The following NR5A1 variants were observed in gnomAD, a reference collection of about 807,000 sequenced individuals.
NR5A1 encodes nuclear receptor subfamily 5 group A member 1.
Under a neutral mutation model 42.7 loss-of-function variants are expected in NR5A1, and 6 were observed. The observed-to-expected ratio is 0.14, with a 90% CI of 0.08 to 0.28. NR5A1 has a LOEUF of 0.28. NR5A1 is among the 10% of genes least tolerant of loss of function. The probability of loss-of-function intolerance (pLI) is 1.00; values close to 1 mark genes in which losing one functional copy is unlikely to be tolerated. For synonymous variants in NR5A1, 274 were observed against 277.5 expected (o/e 0.99, Z 0.12); for missense variants, 442 against 626.4 (o/e 0.71, Z 3.14).
intron 1 of NR5A1, among the ~76,000 whole-genome samples, chr9:124,505,051 C>T (rs2131292370): frequency 6.6e-6 from 1 of 152,036 alleles, no homozygotes; most frequent in African/African-American, 2.4e-5. Flanking sequence ...GGGCGGAGGC[C>T]CGGTCGTGTC....
rs1040824277 is a variant in NR5A1, at chr9:124,496,561, C to T, written c.871-3412G>A. On this transcript the variant is annotated intron_variant, in intron 4 of 6. Transcript: ENST00000373588. This position sits in a 1 kb window ranked among gnomAD's most constrained non-coding sequence, Gnocchi z 5.0. ...CAAGCTGACCTCCCTCCCAGCAGGG[C>T]CCCTCTGGAGCCCCCTGGGGTCCGA... Among the ~76,000 whole-genome samples, 15 of 152,140 alleles carry T rather than the reference C, an allele frequency of 9.9e-5. No individual in the cohort carries two copies. Among genetic ancestry groups the T allele is most frequent in the African/African-American group, 3.6e-4 (15 of 41,430 alleles).
intron 6 of NR5A1, among the ~76,000 whole-genome samples, chr9:124,489,427 A>T (rs1832269347): frequency 6.6e-6 from 1 of 152,166 alleles, no homozygotes; most frequent in Non-Finnish European, 1.5e-5. Context: ...GTCACACACA[A>T]ACTCTTCACA....
At chr9:124,486,580 G>T (rs1052245595) in intron 6 of NR5A1, among the ~76,000 whole-genome samples, 1 of 152,020 alleles carries the variant, frequency 6.6e-6, no homozygotes, top group Admixed American at 6.5e-5. Flanking sequence ...CATGAGTTCT[G>T]TCCGAGATCC....
At position 124,503,853 on chromosome 9, in the gene NR5A1, T is replaced by C. The variant is rs1220260251; in HGVS notation, c.-15-443A>G. On this transcript the variant is annotated intron_variant, in intron 1 of 6. Transcript: ENST00000373588. This position sits in a 1 kb window ranked among gnomAD's most constrained non-coding sequence, Gnocchi z 9.6. Reference sequence around the variant, plus strand: ...AGAGACGAAGGAGGCAGAGACAGAGTCCGGGGGAGCCAGAGATGGGAAGAA... The same window carrying C: ...AGAGACGAAGGAGGCAGAGACAGAGCCCGGGGGAGCCAGAGATGGGAAGAA... Among the ~76,000 whole-genome samples the C allele has an allele frequency of 6.7e-6, 1 of 148,728 alleles. No individual in the cohort carries two copies. Among genetic ancestry groups the C allele is most frequent in the East Asian group, 2.0e-4 (1 of 4,990 alleles).
chr9:124,483,581 C>T (rs910594861), intron 6 of NR5A1, among the ~76,000 whole-genome samples: 8 of 152,192 alleles, frequency 5.3e-5, no homozygotes, highest in South Asian at 2.1e-4. Context: ...CTGCTCTCAC[C>T]GCCGTCATGG....
chr9:124,489,204 G>A (rs1832266200), intron 6 of NR5A1, among the ~76,000 whole-genome samples: 1 of 152,218 alleles, frequency 6.6e-6, no homozygotes, highest in African/African-American at 2.4e-5. Flanking sequence ...GACAGACAGA[G>A]CCCTGGCAAA....
rs560455095 is a variant in NR5A1, at chr9:124,503,070, G to C, written c.244+9C>G. The C allele has an allele frequency of 3.1e-5, 48 of 1,566,330 alleles. No homozygotes were observed. The highest frequency in any genetic ancestry group is 3.9e-5 in the Non-Finnish European group (45 of 1,159,766). ...GGGGGTCAGGGGTCGAGGCCCGCGC[G>C]GCGCGCACCTTCCAGGCGCATCCCC... is the stretch of plus-strand genomic sequence containing the variant. On this transcript the variant is annotated intron_variant, in intron 3 of 6. Coordinates refer to ENST00000373588, the MANE Select transcript of NR5A1 (RefSeq NM_004959.5). This position sits in a 1 kb window ranked among gnomAD's most constrained non-coding sequence, Gnocchi z 9.6.
At chr9:124,487,417 TG>T (rs1832232851) in intron 6 of NR5A1, among the ~76,000 whole-genome samples, 1 of 152,174 alleles carries the variant, frequency 6.6e-6, no homozygotes, top group African/African-American at 2.4e-5. Context: ...GGAAATCGAA[TG>T]TTAGGTCAAT....
At position 124,491,178 on chromosome 9, in the gene NR5A1, C is replaced by G; in HGVS notation, c.1041G>C (p.Leu347=). Residue 347 remains leucine, a synonymous_variant, in exon 6 of 7, where the codon CTG becomes CTC. Transcript: ENST00000373588. ...ATQAGSLLHS[L]VLRAQELVLQ... ...GCACCAGCTCCTGCGCCCGCAACAC[C>G]AGGCTGTGCAGCAGCGAGCCCGCCT... The G allele has an allele frequency of 1.2e-6, 2 of 1,609,736 alleles. No homozygotes were observed. The highest frequency in any genetic ancestry group is 1.7e-6 in the Non-Finnish European group (2 of 1,178,918).
Position 124,496,184 on chromosome 9 carries a change from G to GCACACA in NR5A1, c.871-3041_871-3036dup, listed in dbSNP as rs59598562. Among the ~76,000 whole-genome samples the GCACACA allele has an allele frequency of 1.4e-4, 21 of 148,150 alleles. No homozygotes were observed. In the East Asian group the frequency reaches 2.0e-3, roughly 14 times the overall value. On this transcript the variant is annotated intron_variant, in intron 4 of 6. Transcript: ENST00000373588. The surrounding 1 kb of genome is among the most constrained non-coding windows in gnomAD (Gnocchi z 5.0). ...ACACTCCCCACACAGATGAGAATGC[G>GCACACA]CACACACACACACACACACACACAA...
rs1341388215 is a variant in NR5A1, at chr9:124,498,486, G to C, written c.870+1604C>G. On this transcript the variant is annotated intron_variant, in intron 4 of 6. Coordinates refer to ENST00000373588, the MANE Select transcript of NR5A1 (RefSeq NM_004959.5). This position sits in a 1 kb window ranked among gnomAD's most constrained non-coding sequence, Gnocchi z 4.6. ...CTGCGTGAAAATCCCCGGGAGACTAGGAAGGCAGCCAGAGGAAGTGCCCTG... is the reference window on the plus strand; with the variant it reads ...CTGCGTGAAAATCCCCGGGAGACTACGAAGGCAGCCAGAGGAAGTGCCCTG... Among the ~76,000 whole-genome samples, 2 of 152,206 alleles carry C rather than the reference G, an allele frequency of 1.3e-5. No individual in the cohort carries two copies. The highest frequency in any genetic ancestry group is 2.9e-5 in the Non-Finnish European group (2 of 68,026).
intron 4 of NR5A1, among the ~76,000 whole-genome samples, chr9:124,497,655 CCTGG>C (rs1832407234): frequency 6.6e-6 from 1 of 152,172 alleles, no homozygotes; most frequent in African/African-American, 2.4e-5. Context: ...TGACCCGGAA[CCTGG>C]AGCCCCAGCC....
Position 124,500,523 on chromosome 9 carries a change from C to T in NR5A1, c.437G>A (p.Gly146Glu). ...GGCGGCCAGGCCCTTGGGCTCAGGC[C>T]CATGCAGGCTGGGAGGCAGCACGTA... The part of the protein sequence containing the change: ...PDYVLPPSLH[G>E]PEPKGLAAGP... The change falls in exon 4 of 7, where the codon GGG becomes GAG. Residue 146 changes from glycine (G) to glutamate (E), a missense_variant. By Grantham distance (98) the Gly-to-Glu change is moderately conservative (BLOSUM62 -2). Around this residue, in one of 3 missense-constraint regions of NR5A1, gnomAD observed 208 missense variants for 203.8 expected, o/e 1.02. Coordinates refer to ENST00000373588, the MANE Select transcript of NR5A1 (RefSeq NM_004959.5). The surrounding 1 kb of genome is among the most constrained non-coding windows in gnomAD (Gnocchi z 6.9). 6.2e-7 allele frequency: 1 copy of T among 1,607,492 alleles called. No homozygotes were observed. The highest frequency in any genetic ancestry group is 8.5e-7 in the Non-Finnish European group (1 of 1,179,038).
At chr9:124,493,915 C>G (rs1832352175) in intron 4 of NR5A1, among the ~76,000 whole-genome samples, 1 of 152,130 alleles carries the variant, frequency 6.6e-6, no homozygotes, top group East Asian at 1.9e-4. Flanking sequence ...ATCCCCTGGC[C>G]CCAATCCCTA....
At chr9:124,495,518 T>C (rs1300828984) in intron 4 of NR5A1, among the ~76,000 whole-genome samples, 1 of 152,160 alleles carries the variant, frequency 6.6e-6, no homozygotes, top group Non-Finnish European at 1.5e-5. Context: ...GAGAACCTCC[T>C]GAGACCTGGG....
At chr9:124,484,839 C>T (rs1316043276) in intron 6 of NR5A1, among the ~76,000 whole-genome samples, 1 of 152,054 alleles carries the variant, frequency 6.6e-6, no homozygotes, top group African/African-American at 2.4e-5. Flanking sequence ...CAGGACGACC[C>T]GCATTAAACA....
At position 124,503,384 on chromosome 9, in the gene NR5A1, C is replaced by G; in HGVS notation, c.12G>C (p.Ser4=). ...ACAGCTCGTCCAGGTCCTCGTCGTACGAATAGTCCATGCCCGCGGCGTCCG... is the reference window on the plus strand; with the variant it reads ...ACAGCTCGTCCAGGTCCTCGTCGTAGGAATAGTCCATGCCCGCGGCGTCCG... The part of the protein sequence containing the change: MDY[S]YDEDLDELCP... The change falls in exon 2 of 7, where the codon TCG becomes TCC. Residue 4 remains serine (S), a synonymous_variant. Transcript: ENST00000373588. The surrounding 1 kb of genome is among the most constrained non-coding windows in gnomAD (Gnocchi z 9.6). The G allele has an allele frequency of 6.2e-7, 1 of 1,610,176 alleles. No individual in the cohort carries two copies. Among genetic ancestry groups the G allele is most frequent in the Non-Finnish European group, 8.5e-7 (1 of 1,179,004 alleles).
At chr9:124,483,558 A>G (rs1368118024) in intron 6 of NR5A1, among the ~76,000 whole-genome samples, 1 of 152,212 alleles carries the variant, frequency 6.6e-6, no homozygotes, top group Admixed American at 6.5e-5. Flanking sequence ...CAATAATGCC[A>G]TCACAATGGG....
intron 6 of NR5A1, among the ~76,000 whole-genome samples, chr9:124,487,863 C>CCTCT (rs1183511845): frequency 1.3e-5 from 2 of 152,250 alleles, no homozygotes; most frequent in African/African-American, 4.8e-5. Context: ...CCAGGTCTAG[C>CCTCT]CTCTGCCAGG....
Sources: gnomAD v4.1 joint callset for allele counts (sites outside exome capture counted in the v4.1 genomes callset) on GRCh38, gnomAD v4.1.1 for gene constraint, gnomAD v4.1.1 regional missense constraint, Gnocchi (gnomAD v3.1) non-coding constraint, MANE v1.5 for transcripts, NCBI Gene and HGNC (gene_info 2026-07-23, HGNC 2026-07-21) for gene names.